The following INTS6 variants were observed in gnomAD, a reference collection of about 807,000 sequenced individuals.
The protein encoded by INTS6 is DEAD box protein.
In INTS6, 16 loss-of-function variants were observed where a neutral mutation model predicts 104.9. The ratio of observed to expected loss-of-function variants is 0.15; its 90% CI spans 0.10 to 0.23. The LOEUF (loss-of-function observed/expected upper bound fraction) is 0.23. Ranked by LOEUF, INTS6 falls within the 10% of genes least tolerant of loss-of-function variation. The pLI, the probability that INTS6 is intolerant of heterozygous loss-of-function variation, is 1.00. For missense variants in INTS6, 584 were observed against 1,062.8 expected (o/e 0.55, Z 6.26); for synonymous variants, 324 against 358.7 (o/e 0.90, Z 1.09).
intron 3 of INTS6, chr13:51,437,533 T>C (rs1464496486): frequency 6.6e-6 from 1 of 151,992 alleles, no homozygotes; most frequent in Non-Finnish European, 1.5e-5. Flanking sequence ...TATATAAATA[T>C]CTTAAAGGCT....
At position 51,452,078 on chromosome 13, in the gene INTS6, G is replaced by T; in HGVS notation, c.112-23C>A. On this transcript the variant is annotated intron_variant, in intron 1 of 17. Transcript: ENST00000311234. This position sits in a 1 kb window ranked among gnomAD's most constrained non-coding sequence, Gnocchi z 4.2. ...GAGCTGCGGGACGGGAGGAGGAACAGGGCGGGCGACAGGGAAGCACAGAGG... is the reference window on the plus strand; with the variant it reads ...GAGCTGCGGGACGGGAGGAGGAACATGGCGGGCGACAGGGAAGCACAGAGG... The T allele has an allele frequency of 6.2e-7, 1 of 1,605,492 alleles. No individual in the cohort carries two copies. Among genetic ancestry groups the T allele is most frequent in the Non-Finnish European group, 8.5e-7 (1 of 1,175,226 alleles).
At chr13:51,375,310 C>A (rs1434082236) in intron 13 of INTS6, among the ~76,000 whole-genome samples, 3 of 150,578 alleles carry the variant, frequency 2.0e-5, no homozygotes, top group African/African-American at 7.4e-5. Context: ...CGAGATCACA[C>A]CACTGCACTC....
chr13:51,406,176 A>G (rs542254566), intron 4 of INTS6, among the ~76,000 whole-genome samples: 3 of 152,174 alleles, frequency 2.0e-5, no homozygotes, highest in East Asian at 1.9e-4. Context: ...CCCAATGTAT[A>G]GTCTCAACCC....
chr13:51,408,016 C>CAAA, intron 4 of INTS6, among the ~76,000 whole-genome samples: 1 of 66,994 alleles, frequency 1.5e-5, no homozygotes, highest in Non-Finnish European at 3.1e-5. Flanking sequence ...GACTCGGTCT[C>CAAA]AAAAAAAAAA....
intron 3 of INTS6, chr13:51,437,525 T>C (rs544360057): frequency 6.6e-5 from 10 of 152,256 alleles, no homozygotes; most frequent in African/African-American, 2.4e-4. Flanking sequence ...CAGCCTTCTA[T>C]ATAAATATCT....
At chr13:51,338,132 C>A in the INTS6 span, among the ~76,000 whole-genome samples, 1 of 152,128 alleles carries the variant, frequency 6.6e-6, no homozygotes, top group Non-Finnish European at 1.5e-5. Flanking sequence ...GTAGAAGTTA[C>A]ACAAACAACC....
intron 5 of INTS6, among the ~76,000 whole-genome samples, chr13:51,390,509 C>A (rs1440995652): frequency 1.3e-5 from 2 of 151,974 alleles, no homozygotes; most frequent in African/African-American, 4.8e-5. Flanking sequence ...AAAACCTTGA[C>A]AGCTAAAACT....
chr13:51,376,298 A>T, intron 12 of INTS6, 124 bp from the exon 13 acceptor site: 1 of 705,372 alleles, frequency 1.4e-6, no homozygotes. Flanking sequence ...AAAAAAAATA[A>T]AATAAAGACA....
At chr13:51,347,366 A>G in the INTS6 span, 39 of 755,140 alleles carry the variant, frequency 5.2e-5, no homozygotes, top group Non-Finnish European at 8.8e-6. Flanking sequence ...TGGACTGGGC[A>G]TGCATGGCGG....
the INTS6 span, among the ~76,000 whole-genome samples, chr13:51,346,496 G>A: frequency 1.3e-5 from 2 of 152,074 alleles, no homozygotes; most frequent in Admixed American, 6.5e-5. Flanking sequence ...AGCAACAGCT[G>A]GTTATAAACA....
At chr13:51,418,105 T>A (rs1956826845) in intron 4 of INTS6, among the ~76,000 whole-genome samples, 1 of 152,248 alleles carries the variant, frequency 6.6e-6, no homozygotes, top group South Asian at 2.1e-4. Context: ...ACACATTTTT[T>A]AAAATAATTA....
chr13:51,446,713 T>C (rs1952926701), intron 3 of INTS6: 1 of 152,220 alleles, frequency 6.6e-6, no homozygotes. Context: ...TAGAGTATTA[T>C]TCAGCCTTAA....
chr13:51,367,185 G>A (rs1180449177), intron 17 of INTS6, among the ~76,000 whole-genome samples: 1 of 151,652 alleles, frequency 6.6e-6, no homozygotes, highest in Non-Finnish European at 1.5e-5. Flanking sequence ...CTAATACAGT[G>A]TAAATACGAT....
intron 15 of INTS6, among the ~76,000 whole-genome samples, chr13:51,373,482 A>G (rs1189218593): frequency 6.6e-6 from 1 of 152,200 alleles, no homozygotes; most frequent in Admixed American, 6.5e-5. Context: ...TCCTTAGAAT[A>G]AAGTTGAAAA....
rs1593675222 is a variant in INTS6, at chr13:51,376,308, A to G, written c.1603-134T>C. 5 of 651,058 alleles carry G rather than the reference A, an allele frequency of 7.7e-6. No homozygotes were observed. In the South Asian group the frequency reaches 1.5e-4, roughly 20 times the overall value. The allele number at this position is 651,058 out of a possible 1,614,324, so 40.3% of individuals were successfully genotyped here. On this transcript the variant is annotated intron_variant, in intron 12 of 17. Coordinates refer to ENST00000311234, the MANE Select transcript of INTS6 (RefSeq NM_012141.3). ...AGCTTAAAAAAAATAAAATAAAGAC[A>G]TATGATATAATCTTAATGTACCGGT...
chr13:51,364,028 A>AATAT lies in INTS6; in HGVS notation c.*1720_*1723dup, dbSNP rs1432083977. Reference sequence around the variant, plus strand: ...TTCCTCCTAGTAATTCCAGAATCTAAATATATATAATTTAGGAACAGACAA... The same window carrying AATAT: ...TTCCTCCTAGTAATTCCAGAATCTAAATATATATATATAATTTAGGAACAGACAA... On this transcript the variant is annotated 3_prime_UTR_variant, in exon 18 of 18. Coordinates refer to ENST00000311234, the MANE Select transcript of INTS6 (RefSeq NM_012141.3). The AATAT allele has an allele frequency of 5.9e-6, 2 of 337,778 alleles. No individual in the cohort carries two copies. Among genetic ancestry groups the AATAT allele is most frequent in the African/African-American group, 4.2e-5 (2 of 47,190 alleles). The allele number at this position is 337,778 out of a possible 1,614,324, so 20.9% of individuals were successfully genotyped here. A position where few individuals can be genotyped will look rare whatever the true frequency, so the allele number is the denominator to read the frequency against.
chr13:51,391,043 C>T (rs541128991), intron 5 of INTS6, among the ~76,000 whole-genome samples: 1 of 152,224 alleles, frequency 6.6e-6, no homozygotes, highest in Admixed American at 6.5e-5. Context: ...TGGAAATCCT[C>T]TGTGAATTTG....
intron 4 of INTS6, chr13:51,421,247 G>GA (rs1956891268): frequency 1.0e-6 from 1 of 985,576 alleles, no homozygotes; most frequent in Non-Finnish European, 1.2e-6. Flanking sequence ...CTGTATCCAG[G>GA]AATCATGACC....
chr13:51,420,148 G>T (rs1358970237), intron 4 of INTS6, among the ~76,000 whole-genome samples: 1 of 152,052 alleles, frequency 6.6e-6, no homozygotes, highest in African/African-American at 2.4e-5. Flanking sequence ...AAGAAGCAAA[G>T]ATCAGAATTT....
Sources: allele counts gnomAD v4.1 joint callset (sites outside exome capture counted in the v4.1 genomes callset), GRCh38; gene constraint gnomAD v4.1.1; non-coding constraint Gnocchi (gnomAD v3.1); transcripts MANE v1.5; gene names NCBI Gene and HGNC (gene_info 2026-07-23, HGNC 2026-07-21).